The following PDE4A variants were observed in gnomAD, a reference collection of about 807,000 sequenced individuals.
The protein encoded by PDE4A is 3',5'-cyclic-AMP phosphodiesterase 4A.
In PDE4A, 21 loss-of-function variants were observed where a neutral mutation model predicts 73.9. The observed-to-expected ratio is 0.28, with a 90% CI of 0.20 to 0.41. PDE4A has a LOEUF of 0.41. Among genes scored for constraint, PDE4A ranks in the 10% least tolerant of loss-of-function variants. PDE4A has a pLI of 1.00. For missense variants in PDE4A, 958 were observed against 1,211.4 expected, an observed-to-expected ratio of 0.79 and a Z score of 3.10; for synonymous variants, 463 against 505.4, an observed-to-expected ratio of 0.92 and a Z score of 1.13.
chr19:10,449,201 C>T (rs1288765591), intron 4 of PDE4A, 51 bp downstream of exon 4: 19 of 1,580,520 alleles, frequency 1.2e-5, no homozygotes, highest in East Asian at 1.1e-4. Flanking sequence ...GAAGCATATG[C>T]GGGTTCTGCT....
chr19:10,419,087 A>T, upstream of PDE4A: 1 of 966,598 alleles, frequency 1.0e-6, no homozygotes, highest in Non-Finnish European at 1.2e-6. Flanking sequence ...TTTTCAAATA[A>T]GGAGAAGGGC....
intron 1 of PDE4A, among the ~76,000 whole-genome samples, chr19:10,433,507 C>T (rs2042822704): frequency 6.6e-6 from 1 of 152,162 alleles, no homozygotes; most frequent in Non-Finnish European, 1.5e-5. Context: ...CAGTGCGACA[C>T]GGTCTCATAA....
chr19:10,448,741 T>C (rs1387485058), intron 2 of PDE4A, 176 bp from the exon 3 acceptor site: 2 of 878,388 alleles, frequency 2.3e-6, no homozygotes, highest in African/African-American at 3.6e-5. Context: ...CTGCCATTTC[T>C]TCCACGATCA....
intron 4 of PDE4A, 22 bp from the exon 5 acceptor site, chr19:10,450,581 C>T (rs200165906): frequency 6.3e-7 from 1 of 1,592,956 alleles, no homozygotes; most frequent in South Asian, 1.1e-5. Context: ...GACATTGCAG[C>T]CCCATTTTTT....
chr19:10,456,999 A>C (rs1203447069), intron 7 of PDE4A, among the ~76,000 whole-genome samples: 2 of 152,050 alleles, frequency 1.3e-5, no homozygotes, highest in African/African-American at 4.8e-5. Flanking sequence ...GGAGTTCAAG[A>C]CCAGCCTGGC....
chr19:10,417,357 C>T (rs2042598208), upstream of PDE4A: 1 of 984,990 alleles, frequency 1.0e-6, no homozygotes, highest in South Asian at 4.7e-5. Flanking sequence ...GGAAGAGACC[C>T]TAAAAAGGTG....
In PDE4A at chr19:10,461,735, T is replaced by C. The variant is rs1395889399; in HGVS notation, c.1620+55T>C. 6.2e-6 allele frequency: 10 copies of C among 1,602,630 alleles called. No individual in the cohort carries two copies. In the East Asian group the frequency reaches 2.2e-4, roughly 36 times the overall value. On this transcript the variant is annotated intron_variant, in intron 12 of 14. Transcript: ENST00000380702. ...GAAAGGAAGCCTAGGAGTCGAGGGC[T>C]TTGGGGAGGAGTGGGTCTGAGTCCC...
upstream of PDE4A, chr19:10,420,376 G>T (rs774018453): frequency 7.0e-5 from 69 of 978,884 alleles, no homozygotes; most frequent in Non-Finnish European, 7.6e-5. This position sits in a 1 kb window ranked among gnomAD's most constrained non-coding sequence, Gnocchi z 6.0. Context: ...TGGGCGGGAA[G>T]GGCCCCCCTC....
chr19:10,427,829 C>T (rs1020231081), intron 1 of PDE4A: 4 of 985,058 alleles, frequency 4.1e-6, no homozygotes, highest in South Asian at 9.4e-5. Context: ...AAACCTTGGT[C>T]GGTGAACAAA....
At chr19:10,417,745 C>G, upstream of PDE4A, 2 of 1,581,572 alleles carry the variant, frequency 1.3e-6, no homozygotes, top group African/African-American at 2.7e-5. Flanking sequence ...TCGTCCGGTC[C>G]TGGCCTGGGC....
chr19:10,445,174 G>C (rs890379978), intron 1 of PDE4A, among the ~76,000 whole-genome samples: 1 of 152,174 alleles, frequency 6.6e-6, no homozygotes, highest in South Asian at 2.1e-4. Context: ...AGCTCGCCCT[G>C]GTGGCCACTG....
chr19:10,417,113 G>T, upstream of PDE4A: 1 of 1,449,360 alleles, frequency 6.9e-7, no homozygotes, highest in Non-Finnish European at 9.1e-7. Flanking sequence ...GAGGAGTTTG[G>T]TCCCCTCGTG....
At chr19:10,451,966 G>A (rs1386345580) in intron 6 of PDE4A, among the ~76,000 whole-genome samples, 1 of 151,538 alleles carries the variant, frequency 6.6e-6, no homozygotes, top group Non-Finnish European at 1.5e-5. Flanking sequence ...GGTGGATCAA[G>A]CATCTGAAAT....
rs373946546 is a variant in PDE4A at position 10,469,174 on chromosome 19, T to A, written c.*1553T>A. 2.0e-4 allele frequency: 31 copies of A among 152,492 alleles called. No homozygotes were observed. Among genetic ancestry groups the A allele is most frequent in the Admixed American group, 5.9e-4 (9 of 15,290 alleles). 9.4% of individuals were successfully genotyped at this position (152,492 alleles called of 1,614,324 possible). The stretch of plus-strand genomic sequence containing the variant: ...TTCTTTTTGTTCATTCTTTACCTTT[T>A]TTTCTTTTCTTTCTTTCTTTTTTGT... On this transcript the variant is annotated 3_prime_UTR_variant, in exon 15 of 15. Transcript: ENST00000380702.
At chr19:10,457,436 G>T (rs944812040) in intron 7 of PDE4A, among the ~76,000 whole-genome samples, 1 of 93,430 alleles carries the variant, frequency 1.1e-5, no homozygotes, top group Non-Finnish European at 2.6e-5. Context: ...GTGGGCGGGG[G>T]GGGGGGGGGG....
chr19:10,443,778 G>T (rs139994645), intron 1 of PDE4A, among the ~76,000 whole-genome samples: 124 of 151,774 alleles, frequency 8.2e-4, no homozygotes, highest in African/African-American at 2.9e-3. Context: ...AGGCCGAGGT[G>T]GGTGGATTAC....
At chr19:10,456,306 T>A (rs2043169347) in intron 7 of PDE4A, among the ~76,000 whole-genome samples, 1 of 151,956 alleles carries the variant, frequency 6.6e-6, no homozygotes, top group African/African-American at 2.4e-5. Context: ...GGTGGGCAGA[T>A]CATGAGGTCA....
rs1211524466 is a variant in PDE4A at position 10,424,493 on chromosome 19, G to A, written c.320+3409G>A. On this transcript the variant is annotated intron_variant, in intron 1 of 14. Transcript: ENST00000380702. The surrounding 1 kb of genome is among the most constrained non-coding windows in gnomAD (Gnocchi z 4.8). ...TCTCCCCGCGCGCCCTCTGCTGGACGACGAGGAAGGCACAGCCTGGGTGTG... is the reference window on the plus strand; with the variant it reads ...TCTCCCCGCGCGCCCTCTGCTGGACAACGAGGAAGGCACAGCCTGGGTGTG... 2.0e-5 allele frequency among the ~76,000 whole-genome samples: 3 copies of A among 152,258 alleles called. No homozygotes were observed. The East Asian group carries it at 5.8e-4, about 29-fold the overall frequency.
chr19:10,432,019 G>A (rs1158511116), intron 1 of PDE4A, among the ~76,000 whole-genome samples: 1 of 151,884 alleles, frequency 6.6e-6, no homozygotes, highest in Non-Finnish European at 1.5e-5. Flanking sequence ...TTCCCCGGGG[G>A]CGCACGGCGA....
Sources: gnomAD v4.1 joint callset for allele counts (sites outside exome capture counted in the v4.1 genomes callset) on GRCh38, gnomAD v4.1.1 for gene constraint, Gnocchi (gnomAD v3.1) non-coding constraint, MANE v1.5 for transcripts, NCBI Gene and HGNC (gene_info 2026-07-23, HGNC 2026-07-21) for gene names.